Variants in CNTN4 observed in about 807,000 individuals in gnomAD.
The protein encoded by CNTN4 is contactin 4.
A neutral mutation model predicts 122.5 loss-of-function variants in CNTN4; 77 were observed. The ratio of observed to expected loss-of-function variants is 0.63; its 90% confidence interval spans 0.52 to 0.76. The LOEUF is 0.76. Ranked by LOEUF, CNTN4 falls within the 30% of genes least tolerant of loss-of-function variation. CNTN4 has a pLI of 0.00. For missense variants in CNTN4, 1,256 were observed against 1,259.1 expected (o/e 1.00, Z 0.04); for synonymous variants, 512 against 447.0 (o/e 1.15, Z -1.83).
chr3:2,425,729 C>T lies in CNTN4; in HGVS notation c.-89+86496C>T, dbSNP rs151199476. 3.8e-3 allele frequency among the ~76,000 whole-genome samples: 579 copies of T among 151,720 alleles called. 5 individuals carry two copies. The highest frequency in any genetic ancestry group is 0.014 in the African/African-American group (565 of 41,476). ...CATGGAATGTTCTTCCATTTCTGTC[C>T]TCTTTTATTTCATTGAGCAGTGCTT... On this transcript the variant is annotated intron_variant, in intron 3 of 24. Transcript: ENST00000418658.
intron 4 of CNTN4, among the ~76,000 whole-genome samples, chr3:2,700,271 A>G (rs541976020): frequency 8.5e-5 from 13 of 152,336 alleles, no homozygotes; most frequent in Admixed American, 6.5e-4. Flanking sequence ...CTCTCATTCT[A>G]GAGATAGTAA....
At chr3:2,573,856 G>T (rs531125799) in intron 4 of CNTN4, among the ~76,000 whole-genome samples, 2 of 152,156 alleles carry the variant, frequency 1.3e-5, no homozygotes, top group East Asian at 1.9e-4. Context: ...TAATGTTTTT[G>T]TTTTCTTGCT....
intron 14 of CNTN4, among the ~76,000 whole-genome samples, chr3:2,996,081 G>A (rs947456355): frequency 7.9e-5 from 12 of 152,058 alleles, no homozygotes; most frequent in Admixed American, 5.9e-4. Context: ...ATACACATGC[G>A]GCATAAGCCC....
At chr3:2,155,046 T>G (rs1218973145) in intron 2 of CNTN4, among the ~76,000 whole-genome samples, 1 of 152,268 alleles carries the variant, frequency 6.6e-6, no homozygotes, top group Non-Finnish European at 1.5e-5. Context: ...AAGTGTTTTG[T>G]GTCCTAGAGT....
At chr3:2,378,932 C>T (rs896315335) in intron 3 of CNTN4, among the ~76,000 whole-genome samples, 1 of 152,050 alleles carries the variant, frequency 6.6e-6, no homozygotes. Context: ...GAGGATTATA[C>T]CATAGTTTCA....
At chr3:2,388,364 A>G (rs1240329177) in intron 3 of CNTN4, among the ~76,000 whole-genome samples, 1 of 152,208 alleles carries the variant, frequency 6.6e-6, no homozygotes, top group African/African-American at 2.4e-5. Context: ...TTCTCAGTGG[A>G]TGAAGAGCTG....
chr3:2,859,771 T>C (rs574045599), intron 7 of CNTN4, among the ~76,000 whole-genome samples: 32 of 152,332 alleles, frequency 2.1e-4, no homozygotes, highest in Admixed American at 9.1e-4. Context: ...TGTCATATAC[T>C]CATATTTGGC....
chr3:2,600,963 A>AT (rs1156286752), intron 4 of CNTN4, among the ~76,000 whole-genome samples: 1 of 152,010 alleles, frequency 6.6e-6, no homozygotes, highest in Non-Finnish European at 1.5e-5. Flanking sequence ...GATGATGAGC[A>AT]TTTTTTCATG....
chr3:2,964,191 C>G (rs1331642917), intron 13 of CNTN4, among the ~76,000 whole-genome samples: 1 of 152,076 alleles, frequency 6.6e-6, no homozygotes, highest in Non-Finnish European at 1.5e-5. Context: ...TCTCAATTCC[C>G]TATCATGAGG....
intron 13 of CNTN4, among the ~76,000 whole-genome samples, chr3:2,966,291 A>C (rs1438219726): frequency 1.3e-5 from 2 of 151,952 alleles, no homozygotes; most frequent in Non-Finnish European, 2.9e-5. Context: ...ACATATTTGG[A>C]TTTTTGGAGG....
intron 13 of CNTN4, among the ~76,000 whole-genome samples, chr3:2,973,741 T>A (rs1693157832): frequency 6.6e-6 from 1 of 152,032 alleles, no homozygotes; most frequent in Admixed American, 6.6e-5. Flanking sequence ...ATTTGAGTTC[T>A]GGAAATCATT....
At chr3:2,492,313 A>G (rs1025168562) in intron 3 of CNTN4, among the ~76,000 whole-genome samples, 1 of 152,110 alleles carries the variant, frequency 6.6e-6, no homozygotes, top group Admixed American at 6.5e-5. Flanking sequence ...CCCAAATTTC[A>G]GAGAGATTGG....
At chr3:2,861,154 A>G (rs967673335) in intron 7 of CNTN4, among the ~76,000 whole-genome samples, 5 of 152,164 alleles carry the variant, frequency 3.3e-5, no homozygotes, top group Non-Finnish European at 7.4e-5. Flanking sequence ...TATTTTTCAG[A>G]TGAGAAAACT....
intron 4 of CNTN4, among the ~76,000 whole-genome samples, chr3:2,690,699 T>C (rs1264407312): frequency 6.6e-6 from 1 of 152,188 alleles, no homozygotes; most frequent in African/African-American, 2.4e-5. Context: ...TGTCTGTTTT[T>C]GTACAGCACA....
intron 3 of CNTN4, among the ~76,000 whole-genome samples, chr3:2,496,309 G>A (rs752828524): frequency 1.3e-5 from 2 of 152,014 alleles, no homozygotes; most frequent in Admixed American, 1.3e-4. Flanking sequence ...TTTTACTGGG[G>A]TATTGGACAT....
Position 2,577,079 on chromosome 3 carries a change from G to A in CNTN4, c.55+5521G>A, listed in dbSNP as rs557023512. 4.6e-5 allele frequency among the ~76,000 whole-genome samples: 7 copies of A among 152,236 alleles called. No individual in the cohort carries two copies. In the South Asian group the frequency reaches 1.5e-3, roughly 32 times the overall value. Reference sequence around the variant, plus strand: ...GGCATATTTAACATACTTTCTTAGGGGTTCAAGGCTGGATTGAGTCTCAGT... The same window carrying A: ...GGCATATTTAACATACTTTCTTAGGAGTTCAAGGCTGGATTGAGTCTCAGT... On this transcript the variant is annotated intron_variant, in intron 4 of 24. Transcript: ENST00000418658.
At chr3:2,107,937 G>A (rs967056140) in intron 2 of CNTN4, among the ~76,000 whole-genome samples, 15 of 152,042 alleles carry the variant, frequency 9.9e-5, no homozygotes, top group African/African-American at 3.1e-4. Flanking sequence ...TTATAAACCC[G>A]AAGCTGTTAA....
intron 23 of CNTN4, among the ~76,000 whole-genome samples, chr3:3,051,004 T>C (rs1040325986): frequency 1.4e-4 from 21 of 152,308 alleles, no homozygotes; most frequent in African/African-American, 4.3e-4. Flanking sequence ...TGGCTTTGAA[T>C]GTGGCCCAAC....
At chr3:2,257,833 G>A (rs375491444) in intron 2 of CNTN4, among the ~76,000 whole-genome samples, 1 of 152,112 alleles carries the variant, frequency 6.6e-6, no homozygotes, top group South Asian at 2.1e-4. Context: ...GGAGGCCGAG[G>A]TGGGCCGATC....
Sources: allele counts gnomAD v4.1 joint callset (sites outside exome capture counted in the v4.1 genomes callset), GRCh38; gene constraint gnomAD v4.1.1; transcripts MANE v1.5; gene names NCBI Gene and HGNC (gene_info 2026-07-23, HGNC 2026-07-21).